TBC1D8: variants seen among roughly 807,000 people sequenced by gnomAD.
The protein encoded by TBC1D8 is TBC1 domain family member 8.
In TBC1D8, 65 loss-of-function variants were observed where a neutral mutation model predicts 118.8. That is an observed-to-expected ratio of 0.55 (90% confidence interval 0.45 to 0.67). TBC1D8 has a LOEUF of 0.67. TBC1D8 is among the 30% of genes least tolerant of loss of function. The pLI is 0.00. For synonymous variants in TBC1D8, 566 were observed against 595.8 expected (o/e 0.95, Z 0.73); for missense variants, 1,376 against 1,471.2 (o/e 0.94, Z 1.06).
chr2:101,032,539 G>A (rs1680733310), intron 10 of TBC1D8, 154 bp from the exon 11 acceptor site: 1 of 605,852 alleles, frequency 1.7e-6, no homozygotes, highest in South Asian at 2.1e-5. Flanking sequence ...ACAGTGGAAT[G>A]ACCGTGACAG....
chr2:101,110,980 C>CAAAAAAA (rs10708630), intron 1 of TBC1D8, among the ~76,000 whole-genome samples: 1 of 87,212 alleles, frequency 1.1e-5, no homozygotes. Context: ...AACTCCATCG[C>CAAAAAAA]AAAAAAAAAA....
intron 17 of TBC1D8, chr2:101,017,767 T>TG: frequency 7.1e-7 from 1 of 1,413,674 alleles, no homozygotes; most frequent in East Asian, 2.5e-5. Flanking sequence ...AAGGATAAGA[T>TG]GTTACCAAAA....
At chr2:101,124,087 G>C (rs1678246319) in intron 1 of TBC1D8, among the ~76,000 whole-genome samples, 2 of 152,164 alleles carry the variant, frequency 1.3e-5, no homozygotes, top group African/African-American at 4.8e-5. Context: ...AGAGGCTCCT[G>C]GAGTAAGAAC....
At chr2:101,045,072 T>A (rs1191125860) in intron 5 of TBC1D8, among the ~76,000 whole-genome samples, 1 of 152,110 alleles carries the variant, frequency 6.6e-6, no homozygotes, top group African/African-American at 2.4e-5. Context: ...GATGAGACTG[T>A]AAGTAAGGAG....
At chr2:101,016,617 A>G (rs944626195) in intron 17 of TBC1D8, among the ~76,000 whole-genome samples, 5 of 152,102 alleles carry the variant, frequency 3.3e-5, no homozygotes, top group South Asian at 2.1e-4. Flanking sequence ...ATAAAGACAC[A>G]TGCACACGTA....
At chr2:101,095,352 T>G (rs573794823) in intron 1 of TBC1D8, among the ~76,000 whole-genome samples, 2 of 150,762 alleles carry the variant, frequency 1.3e-5, no homozygotes, top group Admixed American at 1.3e-4. Flanking sequence ...CTGCACCCAT[T>G]AACTCGTCAT....
intron 5 of TBC1D8, among the ~76,000 whole-genome samples, chr2:101,045,906 T>C (rs1414313556): frequency 2.0e-5 from 3 of 152,066 alleles, no homozygotes; most frequent in Non-Finnish European, 4.4e-5. Context: ...GGCAGGAGAA[T>C]CTCTTGAACC....
At position 101,086,141 on chromosome 2, in the gene TBC1D8, C is replaced by CAA. The variant is rs1294886220; in HGVS notation, c.283+4066_283+4067dup. Among the ~76,000 whole-genome samples the CAA allele has an allele frequency of 8.3e-4, 94 of 112,892 alleles. 1 individual carries two copies. The highest frequency in any genetic ancestry group is 1.0e-3 in the Admixed American group (11 of 10,608). 74.1% of individuals were successfully genotyped at this position (112,892 alleles called of 152,430 possible). On this transcript the variant is annotated intron_variant, in intron 2 of 19. Coordinates refer to ENST00000409318, the MANE Select transcript of TBC1D8 (RefSeq NM_001330348.2). The stretch of plus-strand genomic sequence containing the variant: ...TGTGCAACAGAGCGAGACTCTGTCT[C>CAA]AAAAAAAAAAAAAAAACTTGACAAC...
At chr2:101,028,486 C>T (rs1680483062) in intron 12 of TBC1D8, 54 bp from the exon 13 acceptor site, 1 of 1,510,482 alleles carries the variant, frequency 6.6e-7, no homozygotes, top group African/African-American at 1.4e-5. Flanking sequence ...GGTACCACAA[C>T]ACGGGCTGCC....
At position 101,022,276 on chromosome 2, in the gene TBC1D8, C is replaced by T. The variant is rs778741218; in HGVS notation, c.2761+5G>A. The stretch of plus-strand genomic sequence containing the variant: ...ACATCACTGCGAAATCCCACAGAGG[C>T]ATACCGAGGCAGCTCACAAACGCTT... On this transcript the variant is annotated splice_donor_5th_base_variant and intron_variant, in intron 16 of 19. Coordinates refer to ENST00000409318, the MANE Select transcript of TBC1D8 (RefSeq NM_001330348.2). 1 of 1,613,304 alleles carries T rather than the reference C, an allele frequency of 6.2e-7. No homozygotes were observed. Among genetic ancestry groups the T allele is most frequent in the Non-Finnish European group, 8.5e-7 (1 of 1,179,638 alleles).
chr2:101,037,417 G>A (rs1359178999), intron 8 of TBC1D8, 115 bp downstream of exon 8: 1 of 1,417,090 alleles, frequency 7.1e-7, no homozygotes, highest in East Asian at 2.3e-5. Context: ...CGGAGGAGGA[G>A]CGTTAGCTTC....
intron 2 of TBC1D8, among the ~76,000 whole-genome samples, chr2:101,072,599 C>T (rs183741665): frequency 1.3e-5 from 2 of 152,292 alleles, no homozygotes; most frequent in East Asian, 3.9e-4. Flanking sequence ...CACCTCGGAT[C>T]ATCATCAGGC....
chr2:101,101,437 A>C (rs1676829054), intron 1 of TBC1D8, among the ~76,000 whole-genome samples: 1 of 152,350 alleles, frequency 6.6e-6, no homozygotes, highest in Admixed American at 6.5e-5. Context: ...GAATGCTTTT[A>C]CACTGTTGGT....
At chr2:101,012,596 G>T (rs1055404962) in intron 17 of TBC1D8, among the ~76,000 whole-genome samples, 11 of 146,818 alleles carry the variant, frequency 7.5e-5, no homozygotes, top group African/African-American at 2.7e-4. Flanking sequence ...AAAATTGATT[G>T]TGGTGATCGC....
chr2:101,034,719 G>A (rs1426369864), intron 9 of TBC1D8, among the ~76,000 whole-genome samples: 1 of 152,230 alleles, frequency 6.6e-6, no homozygotes, highest in Non-Finnish European at 1.5e-5. Context: ...CTCACAATCA[G>A]GTGGTGGGAT....
In TBC1D8 at chr2:101,132,466, T is replaced by C. The variant is rs183405373; in HGVS notation, c.127+18661A>G. Among the ~76,000 whole-genome samples the C allele has an allele frequency of 5.3e-5, 8 of 152,340 alleles. No homozygotes were observed. The East Asian group carries it at 1.3e-3, about 26-fold the overall frequency. ...TATGTATTCTGTGGTTCGTATTACA[T>C]TGAGCTACCATGTCTTTTCAGTCTC... is the stretch of plus-strand genomic sequence containing the variant. On this transcript the variant is annotated intron_variant, in intron 1 of 19. Transcript: ENST00000409318.
intron 17 of TBC1D8, among the ~76,000 whole-genome samples, chr2:101,017,370 G>A (rs1679731698): frequency 6.6e-6 from 1 of 152,044 alleles, no homozygotes; most frequent in Non-Finnish European, 1.5e-5. Context: ...CCAGTATTAG[G>A]TGTTACATGT....
intron 19 of TBC1D8, among the ~76,000 whole-genome samples, chr2:101,010,183 A>C (rs1423118869): frequency 1.3e-5 from 2 of 152,188 alleles, no homozygotes; most frequent in Non-Finnish European, 1.5e-5. Flanking sequence ...AAAATGAAAC[A>C]AACCATATGG....
intron 1 of TBC1D8, among the ~76,000 whole-genome samples, chr2:101,093,631 C>T (rs983056979): frequency 6.6e-6 from 1 of 151,972 alleles, no homozygotes; most frequent in African/African-American, 2.4e-5. Flanking sequence ...AGGAGAATCA[C>T]TTGAACCCAG....
Sources: gnomAD v4.1 joint callset for allele counts (sites outside exome capture counted in the v4.1 genomes callset) on GRCh38, gnomAD v4.1.1 for gene constraint, MANE v1.5 for transcripts, NCBI Gene and HGNC (gene_info 2026-07-23, HGNC 2026-07-21) for gene names.